The following DYNC1I1 variants were observed in gnomAD, a reference collection of about 807,000 sequenced individuals.
The protein encoded by DYNC1I1 is cytoplasmic dynein 1 intermediate chain 1.
DYNC1I1 carries 43 observed loss-of-function variants against 86.6 expected under a neutral mutation model. The ratio of observed to expected loss-of-function variants is 0.50; its 90% CI spans 0.39 to 0.64. The LOEUF (loss-of-function observed/expected upper bound fraction) is 0.64, where lower values mean the gene tolerates loss of function less well. DYNC1I1 is among the 30% of genes least tolerant of loss of function. The pLI is 0.00. For missense variants in DYNC1I1, 604 were observed against 788.8 expected (o/e 0.77, Z 2.81); for synonymous variants, 262 against 283.7 (o/e 0.92, Z 0.77).
At chr7:96,011,256 T>G (rs1484433168) in intron 10 of DYNC1I1, among the ~76,000 whole-genome samples, 1 of 152,186 alleles carries the variant, frequency 6.6e-6, no homozygotes, top group Non-Finnish European at 1.5e-5. Flanking sequence ...TTTCCCTAGT[T>G]CTTGATATTA....
At chr7:96,089,686 C>T (rs551046230) in intron 16 of DYNC1I1, among the ~76,000 whole-genome samples, 3 of 152,184 alleles carry the variant, frequency 2.0e-5, no homozygotes, top group South Asian at 4.1e-4. Context: ...GCTTCCTTTT[C>T]ATTGTGCTTT....
intron 5 of DYNC1I1, among the ~76,000 whole-genome samples, chr7:95,839,747 C>A (rs1789226993): frequency 6.6e-6 from 1 of 152,030 alleles, no homozygotes; most frequent in Non-Finnish European, 1.5e-5. Context: ...TTTTGTATGT[C>A]AGAACTAGTG....
chr7:95,838,111 C>G (rs1789166643), intron 5 of DYNC1I1, among the ~76,000 whole-genome samples: 1 of 152,156 alleles, frequency 6.6e-6, no homozygotes, highest in Non-Finnish European at 1.5e-5. Context: ...ATTGCCAAGG[C>G]CAATGTCGAA....
Position 95,810,470 on chromosome 7 carries a change from C to G in DYNC1I1, c.187C>G (p.Leu63Val). Residue 63 changes from leucine (L) to valine (V), a missense_variant, in exon 3 of 17, where the codon CTG becomes GTG. By Grantham distance (32) the Leu-to-Val change is conservative. Coordinates refer to ENST00000447467, the MANE Select transcript of DYNC1I1 (RefSeq NM_001135556.2). ...CAAACGACGAGAGACAGAGGCTTTGCTGCAAAGCATTGGTATCTCACCGGA... is the reference window on the plus strand; with the variant it reads ...CAAACGACGAGAGACAGAGGCTTTGGTGCAAAGCATTGGTATCTCACCGGA... Reference protein sequence around the residue: ...DRKRRETEALLQSIGISPEPP... With the variant: ...DRKRRETEALVQSIGISPEPP... 6.2e-7 allele frequency: 1 copy of G among 1,612,924 alleles called. No homozygotes were observed. Among genetic ancestry groups the G allele is most frequent in the Non-Finnish European group, 8.5e-7 (1 of 1,179,346 alleles).
At chr7:95,930,325 T>A (rs1791857849) in intron 6 of DYNC1I1, among the ~76,000 whole-genome samples, 1 of 152,252 alleles carries the variant, frequency 6.6e-6, no homozygotes, top group Non-Finnish European at 1.5e-5. Context: ...TCTAACTTGT[T>A]GCTGGTGTCT....
chr7:95,773,242 C>T (rs118121419), intron 1 of DYNC1I1, among the ~76,000 whole-genome samples: 2,260 of 152,350 alleles, frequency 0.015, 29 homozygotes, highest in Non-Finnish European at 0.022. Flanking sequence ...CTCTTAGATG[C>T]TGTCACTACC....
At chr7:96,057,745 C>T (rs1789622879) in intron 14 of DYNC1I1, among the ~76,000 whole-genome samples, 1 of 152,146 alleles carries the variant, frequency 6.6e-6, no homozygotes, top group African/African-American at 2.4e-5. Flanking sequence ...CTCTCCATAG[C>T]TCTCAGTCAG....
chr7:95,963,597 TTTG>T (rs1284979801), intron 6 of DYNC1I1, among the ~76,000 whole-genome samples: 1 of 152,172 alleles, frequency 6.6e-6, no homozygotes, highest in East Asian at 1.9e-4. Flanking sequence ...TGGTCATTAT[TTTG>T]TTGCCACAGT....
intron 6 of DYNC1I1, among the ~76,000 whole-genome samples, chr7:95,950,226 G>A (rs905732551): frequency 3.9e-5 from 6 of 152,176 alleles, no homozygotes; most frequent in Admixed American, 3.3e-4. Context: ...TACTGAAAGA[G>A]CACTAGTGAC....
intron 5 of DYNC1I1, among the ~76,000 whole-genome samples, chr7:95,865,393 GT>G (rs1209364904): frequency 6.6e-6 from 1 of 152,070 alleles, no homozygotes; most frequent in Admixed American, 6.6e-5. Context: ...TTTCTACATT[GT>G]TTCTACCTTT....
chr7:95,866,338 A>G (rs1459104671), intron 5 of DYNC1I1, among the ~76,000 whole-genome samples: 2 of 152,172 alleles, frequency 1.3e-5, no homozygotes, highest in Non-Finnish European at 2.9e-5. Context: ...TTGGACCACT[A>G]TATTAGGTTT....
At chr7:95,957,821 A>T (rs1034323805) in intron 6 of DYNC1I1, among the ~76,000 whole-genome samples, 1 of 152,104 alleles carries the variant, frequency 6.6e-6, no homozygotes, top group African/African-American at 2.4e-5. Flanking sequence ...GGATCACAGA[A>T]CTTGTCCTTC....
At chr7:96,076,792 T>A (rs1377234153) in intron 15 of DYNC1I1, among the ~76,000 whole-genome samples, 3 of 152,332 alleles carry the variant, frequency 2.0e-5, no homozygotes, top group South Asian at 2.1e-4. Context: ...CAGTATTTTT[T>A]TAAAAATAGA....
chr7:95,861,873 C>T (rs1789890842), intron 5 of DYNC1I1, among the ~76,000 whole-genome samples: 1 of 152,158 alleles, frequency 6.6e-6, no homozygotes, highest in South Asian at 2.1e-4. Flanking sequence ...AGATTTAGCA[C>T]CTGCTTGGAG....
At chr7:95,886,575 C>T (rs11982153) in intron 6 of DYNC1I1, among the ~76,000 whole-genome samples, 7,353 of 152,254 alleles carry the variant, frequency 0.048, 418 homozygotes, top group African/African-American at 0.12. Context: ...CTTTAAGTTT[C>T]TTCCCATGAT....
intron 6 of DYNC1I1, among the ~76,000 whole-genome samples, chr7:95,917,862 C>G (rs1489909059): frequency 1.3e-5 from 2 of 152,296 alleles, no homozygotes; most frequent in East Asian, 3.9e-4. Context: ...AAAATGTCTT[C>G]CATTAGCTAA....
At chr7:95,791,610 T>A (rs6962547) in intron 1 of DYNC1I1, among the ~76,000 whole-genome samples, 30,658 of 152,190 alleles carry the variant, frequency 0.2, 3,224 homozygotes, top group East Asian at 0.26. Context: ...GCCATCAACA[T>A]GATAATTTAT....
At chr7:96,042,209 T>C (rs1301241151) in intron 14 of DYNC1I1, among the ~76,000 whole-genome samples, 2 of 152,208 alleles carry the variant, frequency 1.3e-5, no homozygotes, top group Non-Finnish European at 2.9e-5. Flanking sequence ...ACTATGTTGG[T>C]GTCATTGAGA....
intron 15 of DYNC1I1, 58 bp from the exon 16 acceptor site, chr7:96,080,305 T>A (rs557240046): frequency 6.6e-7 from 1 of 1,520,400 alleles, no homozygotes; most frequent in African/African-American, 1.4e-5. Flanking sequence ...TATTGTAAAT[T>A]TGTATATTTA....
Sources: allele counts gnomAD v4.1 joint callset (sites outside exome capture counted in the v4.1 genomes callset), GRCh38; gene constraint gnomAD v4.1.1; transcripts MANE v1.5; gene names NCBI Gene and HGNC (gene_info 2026-07-23, HGNC 2026-07-21).